CNNM2: variants seen among roughly 807,000 people sequenced by gnomAD.
CNNM2 encodes the protein cyclin and CBS domain divalent metal cation transport mediator 2, also known as metal transporter CNNM2.
CNNM2 carries 12 observed loss-of-function variants against 66.9 expected under a neutral mutation model. The observed-to-expected ratio is 0.18, with a 90% CI of 0.11 to 0.29. The LOEUF is 0.29. CNNM2 is among the 10% of genes least tolerant of loss of function. The pLI, the probability that CNNM2 is intolerant of heterozygous loss-of-function variation, is 1.00. For missense variants in CNNM2, 705 were observed against 1,167.7 expected (o/e 0.60, Z 5.77); for synonymous variants, 557 against 501.8 (o/e 1.11, Z -1.47).
chr10:102,941,864 G>C (rs1440514982), intron 1 of CNNM2, among the ~76,000 whole-genome samples: 1 of 151,964 alleles, frequency 6.6e-6, no homozygotes, highest in Non-Finnish European at 1.5e-5. Flanking sequence ...GTTCACTGCT[G>C]CGTTGCCAGG....
At chr10:102,954,121 CTTTTCTT>C (rs1325256049) in intron 1 of CNNM2, among the ~76,000 whole-genome samples, 283 of 129,380 alleles carry the variant, frequency 2.2e-3, no homozygotes, top group African/African-American at 8.0e-3. Flanking sequence ...CTTTTCTTTT[CTTTTCTT>C]TTTTTTTTTT....
chr10:102,987,661 TAATATA>T (rs1305141079), intron 1 of CNNM2, among the ~76,000 whole-genome samples: 2 of 151,916 alleles, frequency 1.3e-5, no homozygotes, highest in Non-Finnish European at 2.9e-5. Flanking sequence ...ATATATTTTG[TAATATA>T]TATAATTTAT....
intron 1 of CNNM2, among the ~76,000 whole-genome samples, chr10:102,969,355 A>G (rs2063515007): frequency 6.6e-6 from 1 of 152,010 alleles, no homozygotes; most frequent in South Asian, 2.1e-4. Flanking sequence ...CTAGAATTAC[A>G]GGTGCCTGCC....
intron 1 of CNNM2, among the ~76,000 whole-genome samples, chr10:103,046,684 T>A (rs981096369): frequency 6.6e-6 from 1 of 152,218 alleles, no homozygotes; most frequent in African/African-American, 2.4e-5. Context: ...TGCCATTGTT[T>A]TACTTTTTGC....
intron 1 of CNNM2, among the ~76,000 whole-genome samples, chr10:102,945,628 G>C (rs923799339): frequency 6.6e-6 from 1 of 151,762 alleles, no homozygotes; most frequent in Non-Finnish European, 1.5e-5. Context: ...CTCTCTGCCT[G>C]CTTCTGTGCT....
At chr10:102,965,712 C>T (rs959762065) in intron 1 of CNNM2, among the ~76,000 whole-genome samples, 1 of 152,148 alleles carries the variant, frequency 6.6e-6, no homozygotes, top group Admixed American at 6.6e-5. Context: ...GGTTAAATTC[C>T]ATCTGACGCA....
At chr10:102,938,614 T>C (rs1209486477) in intron 1 of CNNM2, among the ~76,000 whole-genome samples, 6 of 61,358 alleles carry the variant, frequency 9.8e-5, no homozygotes, top group African/African-American at 4.4e-4. Context: ...AGTGAGACCC[T>C]GTCTCAAAAA....
In CNNM2 at chr10:102,919,215, A is replaced by G. The variant is rs1845538729; in HGVS notation, c.735A>G (p.Val245=). The change falls in exon 1 of 8, where the codon GTA becomes GTG. Residue 245 remains valine, a synonymous_variant. Coordinates refer to ENST00000369878, the MANE Select transcript of CNNM2 (RefSeq NM_017649.5). ...ACGGCGAGGACACCAAGATGATCGT[A>G]GGCGAAGAGAAGAAGTTCCTGCTGC... ...YHDGEDTKMI[V]GEEKKFLLPF... is the part of the protein sequence containing the mutation. 1.9e-6 allele frequency: 3 copies of G among 1,612,990 alleles called. No homozygotes were observed. Among genetic ancestry groups the G allele is most frequent in the East Asian group, 4.5e-5 (2 of 44,834 alleles).
At chr10:102,934,547 C>G (rs532496174) in intron 1 of CNNM2, among the ~76,000 whole-genome samples, 1 of 152,170 alleles carries the variant, frequency 6.6e-6, no homozygotes, top group African/African-American at 2.4e-5. Flanking sequence ...TCCCAAAGTG[C>G]TGGGATTACA....
chr10:102,975,949 C>A (rs1290582733), intron 1 of CNNM2, among the ~76,000 whole-genome samples: 1 of 152,152 alleles, frequency 6.6e-6, no homozygotes, highest in Non-Finnish European at 1.5e-5. Flanking sequence ...GACTCAGTGG[C>A]ACTACGGCTT....
rs11191479 is a variant in CNNM2 at position 102,963,863 on chromosome 10, T to C, written c.1621+43762T>C. 0.095 allele frequency among the ~76,000 whole-genome samples: 14,417 copies of C among 152,206 alleles called. 880 individuals carry two copies. The highest frequency in any genetic ancestry group is 0.28 in the East Asian group (1,432 of 5,170). On this transcript the variant is annotated intron_variant, in intron 1 of 7. Transcript: ENST00000369878. Reference sequence around the variant, plus strand: ...TAAGTGCCCAAAGGGACAGGCACAATGTATGTGGAAATTCAGAGGAGCAGT... The same window carrying C: ...TAAGTGCCCAAAGGGACAGGCACAACGTATGTGGAAATTCAGAGGAGCAGT...
chr10:102,995,163 C>T (rs2063969066), intron 1 of CNNM2, among the ~76,000 whole-genome samples: 1 of 141,212 alleles, frequency 7.1e-6, no homozygotes, highest in Non-Finnish European at 1.5e-5. Flanking sequence ...CCCTCTTCCT[C>T]CTCCTCCCCC....
chr10:102,979,149 A>G (rs1441956289), intron 1 of CNNM2, among the ~76,000 whole-genome samples: 1 of 152,200 alleles, frequency 6.6e-6, no homozygotes, highest in Non-Finnish European at 1.5e-5. Flanking sequence ...ACCTAGGAGT[A>G]GGATCTGTGG....
Position 102,919,620 on chromosome 10 carries a change from G to T in CNNM2, c.1140G>T (p.Lys380Asn). 6.2e-7 allele frequency: 1 copy of T among 1,613,932 alleles called. No homozygotes were observed. The highest frequency in any genetic ancestry group is 8.5e-7 in the Non-Finnish European group (1 of 1,180,036). Residue 380 changes from lysine (K) to asparagine (N), a missense_variant, in exon 1 of 8, where the codon AAG becomes AAT. Around this residue, in one of 9 missense-constraint regions of CNNM2, gnomAD observed 27 missense variants for 40.7 expected, o/e 0.66. Transcript: ENST00000369878. ...AVGANTIFLT[K>N]FFMMMTFPAS... ...GGGCCAACACCATCTTCCTCACCAA[G>T]TTTTTCATGATGATGACCTTCCCCG... is the stretch of plus-strand genomic sequence containing the variant.
intron 1 of CNNM2, among the ~76,000 whole-genome samples, chr10:102,971,717 A>G (rs185427760): frequency 6.4e-4 from 98 of 152,304 alleles, no homozygotes; most frequent in Non-Finnish European, 8.4e-4. Flanking sequence ...TGACTCTACC[A>G]TAATCTACTT....
At chr10:103,036,908 G>T (rs1222586309) in intron 1 of CNNM2, among the ~76,000 whole-genome samples, 1 of 152,112 alleles carries the variant, frequency 6.6e-6, no homozygotes, top group African/African-American at 2.4e-5. Context: ...AAGGGAAATA[G>T]GAAGGTCATT....
At chr10:103,037,726 A>G (rs1259354845) in intron 1 of CNNM2, among the ~76,000 whole-genome samples, 1 of 152,210 alleles carries the variant, frequency 6.6e-6, no homozygotes, top group East Asian at 1.9e-4. Flanking sequence ...TAGCTCAGAA[A>G]GTTGTATACG....
At chr10:103,052,981 T>G (rs2065240981) in intron 2 of CNNM2, among the ~76,000 whole-genome samples, 1 of 152,262 alleles carries the variant, frequency 6.6e-6, no homozygotes, top group Non-Finnish European at 1.5e-5. Context: ...GTAATCAATC[T>G]GTTTTGCTTT....
intron 1 of CNNM2, among the ~76,000 whole-genome samples, chr10:103,030,724 G>A (rs938883660): frequency 4.6e-5 from 7 of 152,112 alleles, no homozygotes; most frequent in Admixed American, 3.3e-4. Context: ...GGGGGAAGTC[G>A]ATATTTAGGA....
Sources: allele counts gnomAD v4.1 joint callset (sites outside exome capture counted in the v4.1 genomes callset), GRCh38; gene constraint gnomAD v4.1.1; regional missense constraint gnomAD v4.1.1; transcripts MANE v1.5; gene names NCBI Gene and HGNC (gene_info 2026-07-23, HGNC 2026-07-21).